Variants in ABCD3 observed in about 807,000 individuals in gnomAD.
The protein encoded by ABCD3 is ATP-binding cassette sub-family D member 3.
ABCD3 carries 41 observed loss-of-function variants against 105.5 expected under a neutral mutation model. The observed-to-expected ratio is 0.39, with a 90% CI of 0.30 to 0.50. The LOEUF is 0.50. Among genes scored for constraint, ABCD3 ranks in the 20% least tolerant of loss-of-function variants. ABCD3 has a pLI of 0.84. For synonymous variants in ABCD3, 258 were observed against 269.0 expected (o/e 0.96, Z 0.40); for missense variants, 622 against 806.3 (o/e 0.77, Z 2.77).
upstream of ABCD3, among the ~76,000 whole-genome samples, chr1:94,418,246 G>A (rs1415597416): frequency 6.6e-6 from 1 of 152,206 alleles, no homozygotes; most frequent in Non-Finnish European, 1.5e-5. Context: ...CGCAGAGCGC[G>A]TCCCGGGAAC....
At chr1:94,443,954 G>A (rs761174616) in intron 1 of ABCD3, among the ~76,000 whole-genome samples, 4 of 152,104 alleles carry the variant, frequency 2.6e-5, no homozygotes, top group African/African-American at 7.2e-5. Context: ...CTTATAAAAT[G>A]TGTTAATTTT....
chr1:94,465,277 T>TA (rs1648084398), intron 3 of ABCD3, among the ~76,000 whole-genome samples: 1 of 152,212 alleles, frequency 6.6e-6, no homozygotes, highest in South Asian at 2.1e-4. Flanking sequence ...TGGAGACAGA[T>TA]ACCCAAATTA....
At chr1:94,482,211 G>A (rs946522481) in intron 9 of ABCD3, 9 of 152,242 alleles carry the variant, frequency 5.9e-5, no homozygotes, top group Admixed American at 2.0e-4. Flanking sequence ...ACCATGAAAC[G>A]CGTGACAAAT....
chr1:94,414,548 A>C (rs1260204526), upstream of ABCD3, among the ~76,000 whole-genome samples: 1 of 151,982 alleles, frequency 6.6e-6, no homozygotes, highest in Non-Finnish European at 1.5e-5. Flanking sequence ...TTCTTAAATA[A>C]ATCCTGAGGT....
At chr1:94,394,680 C>T in the ABCD3 span, among the ~76,000 whole-genome samples, 2 of 152,180 alleles carry the variant, frequency 1.3e-5, no homozygotes, top group African/African-American at 4.8e-5. Flanking sequence ...AAGTTCTCAG[C>T]CCACCTCTTT....
At position 94,517,260 on chromosome 1, in the gene ABCD3, A is replaced by G. The variant is rs1209027135; in HGVS notation, c.*131A>G. 1.4e-5 allele frequency: 10 copies of G among 693,086 alleles called. No homozygotes were observed. Among genetic ancestry groups the G allele is most frequent in the Non-Finnish European group, 2.3e-5 (9 of 389,914 alleles). 42.9% of individuals were successfully genotyped at this position (693,086 alleles called of 1,614,324 possible). A position where few individuals can be genotyped will look rare whatever the true frequency, so the allele number is the denominator to read the frequency against. On this transcript the variant is annotated 3_prime_UTR_variant, in exon 23 of 23. Transcript: ENST00000370214. ...AAAAACAAAGCAACAAATTAACTAG[A>G]TACAGAATAATGGAGAACAAGTTGT... is the stretch of plus-strand genomic sequence containing the variant.
chr1:94,510,201 C>G lies in ABCD3; in HGVS notation c.1845+3559C>G, dbSNP rs917023640. ...TCTGGTATGTTGTGTCTTTGTTCTC[C>G]TTGGTTTCAAAGAACATCTTTATTT... On this transcript the variant is annotated intron_variant, in intron 21 of 22. Coordinates refer to ENST00000370214, the MANE Select transcript of ABCD3 (RefSeq NM_002858.4). Among the ~76,000 whole-genome samples, 130 of 151,990 alleles carry G rather than the reference C, an allele frequency of 8.6e-4. 1 individual carries two copies. The highest frequency in any genetic ancestry group is 2.8e-3 in the African/African-American group (116 of 41,484).
At chr1:94,514,195 C>T (rs368295953) in intron 21 of ABCD3, 4 of 152,174 alleles carry the variant, frequency 2.6e-5, no homozygotes, top group South Asian at 2.1e-4. Flanking sequence ...GTTTCTCAGT[C>T]CTGGCACTAT....
chr1:94,471,218 TA>T (rs770841424), intron 4 of ABCD3, among the ~76,000 whole-genome samples: 11 of 152,140 alleles, frequency 7.2e-5, no homozygotes, highest in Non-Finnish European at 5.9e-5. Flanking sequence ...AACCATTTTT[TA>T]AAACCATTAT....
intron 1 of ABCD3, among the ~76,000 whole-genome samples, chr1:94,433,720 T>C (rs373734639): frequency 2.3e-4 from 35 of 150,858 alleles, no homozygotes; most frequent in African/African-American, 8.5e-4. Flanking sequence ...AGTCTTGGCT[T>C]ACTGCAACCT....
rs368464954 is a variant in ABCD3 at position 94,489,936 on chromosome 1, C to T, written c.1283C>T (p.Pro428Leu). The change falls in exon 15 of 23, where the codon CCT becomes CTT. Residue 428 changes from proline to leucine, a missense_variant. By Grantham distance (98) the Pro-to-Leu change is moderately conservative. Around this residue, in one of 4 missense-constraint regions of ABCD3, gnomAD observed 285 missense variants for 352.5 expected, o/e 0.81. Coordinates refer to ENST00000370214, the MANE Select transcript of ABCD3 (RefSeq NM_002858.4). Reference sequence around the variant, plus strand: ...GGAGTACAAGTCATTCCCTTGATACCTGGTGCTGGAGAAATCATTATTGCA... The same window carrying T: ...GGAGTACAAGTCATTCCCTTGATACTTGGTGCTGGAGAAATCATTATTGCA... Reference protein sequence around the residue: ...IEGVQVIPLIPGAGEIIIADN... With the variant: ...IEGVQVIPLILGAGEIIIADN... The T allele has an allele frequency of 3.1e-6, 5 of 1,613,020 alleles. No homozygotes were observed. Among genetic ancestry groups the T allele is most frequent in the Non-Finnish European group, 4.2e-6 (5 of 1,179,362 alleles).
upstream of ABCD3, among the ~76,000 whole-genome samples, chr1:94,418,109 C>G (rs1557654727): frequency 1.3e-5 from 2 of 152,134 alleles, no homozygotes; most frequent in Non-Finnish European, 2.9e-5. Flanking sequence ...ATTGTGAAAG[C>G]CGGGGTGTGC....
intron 1 of ABCD3, among the ~76,000 whole-genome samples, chr1:94,451,486 T>G (rs1647258072): frequency 6.6e-6 from 1 of 152,202 alleles, no homozygotes; most frequent in South Asian, 2.1e-4. Context: ...TCTAAATTTT[T>G]TAGAACAGCA....
At chr1:94,461,281 C>G (rs1024597717) in intron 2 of ABCD3, among the ~76,000 whole-genome samples, 4 of 151,666 alleles carry the variant, frequency 2.6e-5, no homozygotes, top group Non-Finnish European at 4.4e-5. Flanking sequence ...TTTTTTATAT[C>G]CTTTGTGATG....
At chr1:94,402,052 G>GTGT in the ABCD3 span, among the ~76,000 whole-genome samples, 2 of 152,168 alleles carry the variant, frequency 1.3e-5, no homozygotes, top group Admixed American at 6.5e-5. Context: ...GAATCAAGTA[G>GTGT]TGTGTGTCTG....
intron 1 of ABCD3, among the ~76,000 whole-genome samples, chr1:94,447,521 T>C (rs138605324): frequency 9.9e-4 from 151 of 152,394 alleles, no homozygotes; most frequent in Middle Eastern, 3.4e-3. Context: ...CTAAGTGTTT[T>C]CATTGGAAAG....
At chr1:94,387,066 T>C in the ABCD3 span, among the ~76,000 whole-genome samples, 1 of 152,290 alleles carries the variant, frequency 6.6e-6, no homozygotes, top group Non-Finnish European at 1.5e-5. Context: ...TTAGCTTTGG[T>C]TCTGTATTTT....
chr1:94,495,488 C>T (rs1353206779), intron 16 of ABCD3, among the ~76,000 whole-genome samples: 3 of 152,014 alleles, frequency 2.0e-5, no homozygotes, highest in Admixed American at 6.6e-5. Context: ...TCATGGCTGA[C>T]GTCATAATTG....
chr1:94,504,572 C>T (rs1279574647), intron 20 of ABCD3, among the ~76,000 whole-genome samples: 1 of 152,114 alleles, frequency 6.6e-6, no homozygotes, highest in Non-Finnish European at 1.5e-5. Context: ...GTGTAAAGCA[C>T]CTTGTTCCTA....
Sources: allele counts gnomAD v4.1 joint callset (sites outside exome capture counted in the v4.1 genomes callset), GRCh38; gene constraint gnomAD v4.1.1; regional missense constraint gnomAD v4.1.1; transcripts MANE v1.5; gene names NCBI Gene and HGNC (gene_info 2026-07-23, HGNC 2026-07-21).